SPG7: variants seen among roughly 807,000 people sequenced by gnomAD.
SPG7 encodes mitochondrial inner membrane m-AAA protease component paraplegin.
A neutral mutation model predicts 81.9 loss-of-function variants in SPG7; 103 were observed. The ratio of observed to expected loss-of-function variants is 1.26; its 90% CI spans 1.07 to 1.48. The LOEUF (loss-of-function observed/expected upper bound fraction) is 1.48, where lower values mean the gene tolerates loss of function less well. Among genes scored for constraint, SPG7 ranks in the 40% most tolerant of loss-of-function variants. The pLI is 0.00. For synonymous variants in SPG7, 534 were observed against 444.2 expected (o/e 1.20, Z -2.54); for missense variants, 1,241 against 1,087.3 (o/e 1.14, Z -1.99).
intron 9 of SPG7, chr16:89,533,224 G>A (rs1055101534): frequency 1.3e-5 from 2 of 155,654 alleles, no homozygotes; most frequent in African/African-American, 4.8e-5. Flanking sequence ...CTGGAGCGCA[G>A]TGGCACAATC....
rs1181546612 is a variant in SPG7 at position 89,553,795 on chromosome 16, G to A, written c.1938G>A (p.Gly646=). Residue 646 remains glycine (G), a splice_region_variant and synonymous_variant, in exon 15 of 17, where the codon GGG becomes GGA. Coordinates refer to ENST00000645818, the MANE Select transcript of SPG7 (RefSeq NM_003119.4). ...CTCTGTCTCGACCCCGCCCTCCAGG[G>A]GCACAGGACGACCTGAGGAAGGTCA... ...EALSFNEVTS[G]AQDDLRKVTR... 3 of 1,613,416 alleles carry A rather than the reference G, an allele frequency of 1.9e-6. No homozygotes were observed. Among genetic ancestry groups the A allele is most frequent in the East Asian group, 2.2e-5 (1 of 44,886 alleles).
rs200254883 is a variant in SPG7, at chr16:89,554,474, C to G, written c.2104-12C>G. Reference sequence around the variant, plus strand: ...CCAGCCTTGCCCCTGACACAGTTCCCTCCACTCACAGGAAGCAAGACTGCT... The same window carrying G: ...CCAGCCTTGCCCCTGACACAGTTCCGTCCACTCACAGGAAGCAAGACTGCT... On this transcript the variant is annotated splice_polypyrimidine_tract_variant and intron_variant, in intron 15 of 16. Coordinates refer to ENST00000645818, the MANE Select transcript of SPG7 (RefSeq NM_003119.4). The G allele has an allele frequency of 1.2e-6, 2 of 1,600,996 alleles. No homozygotes were observed. Among genetic ancestry groups the G allele is most frequent in the African/African-American group, 2.7e-5 (2 of 74,900 alleles).
chr16:89,548,271 T>G, intron 12 of SPG7, 158 bp downstream of exon 12: 1 of 617,318 alleles, frequency 1.6e-6, no homozygotes, highest in East Asian at 2.8e-5. Context: ...TTATGATACC[T>G]TGTACTTTTC....
At chr16:89,523,571 G>A (rs575727824) in intron 3 of SPG7, 36 of 382,566 alleles carry the variant, frequency 9.4e-5, no homozygotes, top group East Asian at 8.7e-4. Context: ...GTGACGGCTC[G>A]GACGGCCTGG....
intron 13 of SPG7, chr16:89,552,500 G>A (rs1391262012): frequency 5.0e-6 from 1 of 201,954 alleles, no homozygotes; most frequent in East Asian, 1.3e-4. Flanking sequence ...GCGGTTCCGT[G>A]TTGTCGAGTT....
At chr16:89,541,664 AC>A (rs2058497762) in intron 9 of SPG7, 1 of 152,400 alleles carries the variant, frequency 6.6e-6, no homozygotes. Context: ...TACTGAACGC[AC>A]AGCTGCTGGG....
At chr16:89,540,771 A>G in intron 9 of SPG7, 1 of 452,642 alleles carries the variant, frequency 2.2e-6, no homozygotes, top group Non-Finnish European at 2.9e-6. Flanking sequence ...ACATGCGCTC[A>G]CCACATGACC....
chr16:89,537,162 T>C, intron 9 of SPG7: 2 of 1,455,328 alleles, frequency 1.4e-6, no homozygotes, highest in South Asian at 1.4e-5. Flanking sequence ...CTTCCGTTCA[T>C]GGAAGCGCAC....
intron 6 of SPG7, 64 bp downstream of exon 6, chr16:89,529,643 C>T (rs1283374094): frequency 5.7e-6 from 7 of 1,235,412 alleles, no homozygotes; most frequent in South Asian, 2.5e-5. Context: ...ATACTTTTCC[C>T]ATAAGCTATA....
At chr16:89,513,175 C>A in intron 3 of SPG7, 138 bp downstream of exon 3, 1 of 1,293,274 alleles carries the variant, frequency 7.7e-7, no homozygotes, top group South Asian at 1.3e-5. Flanking sequence ...GTAATCGAAA[C>A]GCTTTGGGAG....
At chr16:89,512,162 C>T (rs568505549) in intron 2 of SPG7, among the ~76,000 whole-genome samples, 10 of 152,262 alleles carry the variant, frequency 6.6e-5, no homozygotes, top group East Asian at 1.9e-4. Context: ...CCACCCGACT[C>T]GGCCTCCCAA....
chr16:89,530,970 GTTC>G, intron 7 of SPG7, 162 bp downstream of exon 7: 1 of 904,558 alleles, frequency 1.1e-6, no homozygotes, highest in Non-Finnish European at 1.8e-6. Context: ...GCTGGTGCCT[GTTC>G]AACCAGCAGC....
intron 5 of SPG7, among the ~76,000 whole-genome samples, chr16:89,528,184 G>A (rs1031491796): frequency 6.6e-5 from 10 of 151,642 alleles, no homozygotes; most frequent in Non-Finnish European, 1.3e-4. Context: ...AGGTCAGGAG[G>A]TCGAGACCAT....
chr16:89,529,390 C>A, intron 5 of SPG7, 87 bp from the exon 6 acceptor site: 1 of 836,354 alleles, frequency 1.2e-6, no homozygotes, highest in Non-Finnish European at 2.0e-6. Flanking sequence ...ATCTTGGAAA[C>A]ATTGCCAGCA....
intron 9 of SPG7, chr16:89,539,155 C>G (rs577737339): frequency 6.6e-6 from 1 of 152,354 alleles, no homozygotes; most frequent in East Asian, 1.9e-4. Context: ...TGTCCTTTCA[C>G]CCTCTAACGG....
In SPG7 at chr16:89,553,019, C is replaced by G. The variant is rs115278139; in HGVS notation, c.1820C>G (p.Ala607Gly). Reference sequence around the variant, plus strand: ...CGGACAAACGCCGCCCTGGGCTTTGCTCAGATGCTCCCCAGAGACCAGCAC... The same window carrying G: ...CGGACAAACGCCGCCCTGGGCTTTGGTCAGATGCTCCCCAGAGACCAGCAC... ...TPRTNAALGFAQMLPRDQHLF... is the reference protein window; with the variant it reads ...TPRTNAALGFGQMLPRDQHLF... Residue 607 changes from alanine to glycine, a missense_variant, in exon 14 of 17, where the codon GCT becomes GGT. By Grantham distance (60) the Ala-to-Gly change is moderately conservative. Transcript: ENST00000645818. 6.2e-7 allele frequency: 1 copy of G among 1,613,992 alleles called. No individual in the cohort carries two copies. Among genetic ancestry groups the G allele is most frequent in the Non-Finnish European group, 8.5e-7 (1 of 1,179,916 alleles).
intron 5 of SPG7, 48 bp downstream of exon 5, chr16:89,526,516 T>C (rs1382812586): frequency 6.2e-7 from 1 of 1,610,874 alleles, no homozygotes; most frequent in Admixed American, 1.7e-5. Context: ...TAACTTGGCT[T>C]TGTAATCTGA....
intron 10 of SPG7, 110 bp from the exon 11 acceptor site, chr16:89,546,548 C>T: frequency 1.2e-6 from 1 of 811,658 alleles, no homozygotes; most frequent in South Asian, 1.3e-5. Flanking sequence ...ATGGCACACA[C>T]TTGTAATCCC....
At chr16:89,523,892 G>A (rs1351443149) in intron 3 of SPG7, 114 bp from the exon 4 acceptor site, 12 of 1,313,680 alleles carry the variant, frequency 9.1e-6, no homozygotes, top group Non-Finnish European at 1.3e-5. Context: ...AGGATCTTCT[G>A]TGCAGGACGC....
Sources: allele counts gnomAD v4.1 joint callset (sites outside exome capture counted in the v4.1 genomes callset), GRCh38; gene constraint gnomAD v4.1.1; transcripts MANE v1.5; gene names NCBI Gene and HGNC (gene_info 2026-07-23, HGNC 2026-07-21).